The following PUM3 variants were observed in gnomAD, a reference collection of about 807,000 sequenced individuals.
PUM3 encodes pumilio RNA binding family member 3, also known as pumilio homolog 3.
A neutral mutation model predicts 84.0 loss-of-function variants in PUM3; 91 were observed. That is an observed-to-expected ratio of 1.08 (90% CI 0.91 to 1.29). The LOEUF is 1.29. PUM3 is among the 50% of genes most tolerant of loss of function. The pLI is 0.00. For synonymous variants in PUM3, 321 were observed against 266.7 expected, an observed-to-expected ratio of 1.20 and a Z score of -1.98; for missense variants, 1,067 against 767.5, an observed-to-expected ratio of 1.39 and a Z score of -4.61.
At chr9:2,838,577 C>G in intron 1 of PUM3, 60 bp from the exon 2 acceptor site, 2 of 1,032,316 alleles carry the variant, frequency 1.9e-6, no homozygotes, top group East Asian at 2.4e-5. Flanking sequence ...CAAATAAGAG[C>G]TGTTTCATAG....
At chr9:2,834,305 C>A (rs1353107698) in intron 3 of PUM3, 139 bp from the exon 4 acceptor site, 3 of 625,720 alleles carry the variant, frequency 4.8e-6, no homozygotes, top group Non-Finnish European at 7.9e-6. Flanking sequence ...TACCATCCCC[C>A]ATATATACTT....
At chr9:2,828,595 C>T in intron 9 of PUM3, 80 bp downstream of exon 9, 1 of 821,960 alleles carries the variant, frequency 1.2e-6, no homozygotes, top group East Asian at 2.5e-5. Context: ...AAATAGCTAC[C>T]TCTTCTGGGC....
At chr9:2,828,402 G>C (rs113201490) in intron 9 of PUM3, 1 of 337,742 alleles carries the variant, frequency 3.0e-6, no homozygotes, top group African/African-American at 2.2e-5. Context: ...TGGCTTCCAT[G>C]TAACATTTTA....
At chr9:2,812,425 G>T in intron 13 of PUM3, 63 bp from the exon 14 acceptor site, 1 of 1,143,464 alleles carries the variant, frequency 8.7e-7, no homozygotes, top group East Asian at 2.5e-5. Context: ...AGTACCACAG[G>T]ACCTTTCTTC....
intron 7 of PUM3, 106 bp downstream of exon 7, chr9:2,830,856 A>G (rs1586726336): frequency 1.1e-5 from 7 of 653,062 alleles, no homozygotes; most frequent in South Asian, 1.1e-4. Context: ...AGCCATTACT[A>G]TTACTTATAA....
At chr9:2,843,858 G>A (rs1816334804) in intron 1 of PUM3, among the ~76,000 whole-genome samples, 187 bp downstream of exon 1, 1 of 151,860 alleles carries the variant, frequency 6.6e-6, no homozygotes, top group African/African-American at 2.4e-5. Context: ...GATTACAGGC[G>A]TGAGCCACCG....
chr9:2,816,617 G>A (rs947331240), intron 13 of PUM3, among the ~76,000 whole-genome samples: 1 of 152,156 alleles, frequency 6.6e-6, no homozygotes, highest in Non-Finnish European at 1.5e-5. Context: ...CTTGCAGAGG[G>A]TGTGTGCTCT....
At chr9:2,831,554 T>C (rs1473054046) in intron 5 of PUM3, among the ~76,000 whole-genome samples, 1 of 152,178 alleles carries the variant, frequency 6.6e-6, no homozygotes, top group African/African-American at 2.4e-5. Flanking sequence ...GGTACAATAA[T>C]GACATTGAGG....
chr9:2,820,179 A>T, intron 12 of PUM3, 81 bp from the exon 13 acceptor site: 1 of 773,360 alleles, frequency 1.3e-6, no homozygotes, highest in Non-Finnish European at 2.2e-6. Context: ...ATATCTTCAT[A>T]AAGGTAGAGC....
rs765536458 is a variant in PUM3, at chr9:2,824,785, C to A, written c.1066G>T (p.Val356Phe). 3 of 1,581,832 alleles carry A rather than the reference C, an allele frequency of 1.9e-6. No individual in the cohort carries two copies. The African/African-American group carries it at 4.0e-5, about 21-fold the overall frequency. ...EMIEAIREAVVYLAHTHDGAR... is the reference protein window; with the variant it reads ...EMIEAIREAVFYLAHTHDGAR... ...CCATCGTGTGTGTGTGCCAGGTAGA[C>A]CACCGCTTCGCGGATGGCTTCAATC... The change falls in exon 11 of 18, where the codon GTC becomes TTC. Residue 356 changes from valine to phenylalanine, a missense_variant. Physicochemically the swap from Val to Phe is conservative, Grantham distance 50. Transcript: ENST00000397885.
In PUM3 at chr9:2,828,767, G is replaced by C. The variant is rs139543678; in HGVS notation, c.864C>G (p.His288Gln). 1,382 of 1,571,114 alleles carry C rather than the reference G, an allele frequency of 8.8e-4. 9 individuals are homozygous for C. In the African/African-American group the frequency reaches 0.015, roughly 16 times the overall value. The change falls in exon 9 of 18, where the codon CAC (histidine) becomes CAG (glutamine). Residue 288 changes from histidine to glutamine, a missense_variant. His to Gln is a conservative substitution (Grantham distance 24, BLOSUM62 0). Transcript: ENST00000397885. Reference protein sequence around the residue: ...NTFQLYKSADHRTLDKVLEVQ... With the variant: ...NTFQLYKSADQRTLDKVLEVQ... ...CCTCTAACACTTTGTCCAGAGTTCGGTGATCTGCTGACTGCAACAAAACAA... is the reference window on the plus strand; with the variant it reads ...CCTCTAACACTTTGTCCAGAGTTCGCTGATCTGCTGACTGCAACAAAACAA...
rs967397852 is a variant in PUM3 at position 2,833,450 on chromosome 9, A to C, written c.441-18T>G. 7.3e-7 allele frequency: 1 copy of C among 1,364,042 alleles called. No homozygotes were observed. The highest frequency in any genetic ancestry group is 1.0e-6 in the Non-Finnish European group (1 of 963,224). The allele number at this position is 1,364,042 out of a possible 1,614,324, so 84.5% of individuals were successfully genotyped here. ...AGTCTTTTCTACAAATGAGGAGAGG[A>C]AGGAAACACAGTTGAAATAAAGAAG... On this transcript the variant is annotated intron_variant, in intron 4 of 17. Coordinates refer to ENST00000397885, the MANE Select transcript of PUM3 (RefSeq NM_014878.5).
At chr9:2,806,310 T>G (rs1192374558) in intron 17 of PUM3, among the ~76,000 whole-genome samples, 1 of 152,200 alleles carries the variant, frequency 6.6e-6, no homozygotes, top group Non-Finnish European at 1.5e-5. Context: ...AACTGGAAAA[T>G]TAACTAATTT....
intron 3 of PUM3, among the ~76,000 whole-genome samples, 172 bp from the exon 4 acceptor site, chr9:2,834,338 G>C (rs1816064618): frequency 6.6e-6 from 1 of 152,122 alleles, no homozygotes; most frequent in African/African-American, 2.4e-5. Flanking sequence ...TGAGCAGTTT[G>C]TACATTTTAC....
intron 3 of PUM3, 150 bp downstream of exon 3, chr9:2,837,030 G>GA: frequency 1.5e-6 from 1 of 673,082 alleles, no homozygotes; most frequent in South Asian, 1.8e-5. Context: ...TTGTGAGCAT[G>GA]AAAGATGCTT....
intron 16 of PUM3, among the ~76,000 whole-genome samples, chr9:2,809,389 C>CT (rs1320987795): frequency 9.2e-5 from 14 of 152,142 alleles, no homozygotes; most frequent in African/African-American, 3.4e-4. Flanking sequence ...TATACATCAA[C>CT]TTTTTAATAA....
intron 1 of PUM3, among the ~76,000 whole-genome samples, chr9:2,842,011 T>C (rs1445640772): frequency 2.0e-5 from 3 of 152,178 alleles, no homozygotes; most frequent in Non-Finnish European, 4.4e-5. Context: ...TCCTTCCCTC[T>C]TTCCTGACTG....
In PUM3 at chr9:2,820,003, A is replaced by G. The variant is rs974870371; in HGVS notation, c.1269+15T>C. The stretch of plus-strand genomic sequence containing the variant: ...ATCGATGTAACTTAAATTCAAGACC[A>G]TCAGGATTACTTACTGATATGATTA... On this transcript the variant is annotated intron_variant, in intron 13 of 17. Coordinates refer to ENST00000397885, the MANE Select transcript of PUM3 (RefSeq NM_014878.5). 1.3e-5 allele frequency: 20 copies of G among 1,551,564 alleles called. No homozygotes were observed. The highest frequency in any genetic ancestry group is 1.8e-5 in the Non-Finnish European group (20 of 1,124,606).
Position 2,837,338 on chromosome 9 carries a change from G to A in PUM3, c.146C>T (p.Thr49Ile), listed in dbSNP as rs769880207. 4 of 1,613,932 alleles carry A rather than the reference G, an allele frequency of 2.5e-6. No homozygotes were observed. Among genetic ancestry groups the A allele is most frequent in the African/African-American group, 1.3e-5 (1 of 75,032 alleles). ...GATACTTTTCTCAAAGTTCCTAGAT[G>A]TGACTTTAGGTCCACCTTCTTTAGC... ...KVAKEGGPKVTSRNFEKSITK... is the reference protein window; with the variant it reads ...KVAKEGGPKVISRNFEKSITK... Residue 49 changes from threonine (T) to isoleucine (I), a missense_variant, in exon 3 of 18, where the codon ACA (threonine) becomes ATA (isoleucine). Thr to Ile is a moderately conservative substitution (Grantham distance 89). Transcript: ENST00000397885.
Sources: allele counts gnomAD v4.1 joint callset (sites outside exome capture counted in the v4.1 genomes callset), GRCh38; gene constraint gnomAD v4.1.1; transcripts MANE v1.5; gene names NCBI Gene and HGNC (gene_info 2026-07-23, HGNC 2026-07-21).